RASAL2: variants seen among roughly 807,000 people sequenced by gnomAD.
RASAL2 encodes RAS protein activator like 2, also known as ras GTPase-activating protein nGAP.
Under a neutral mutation model 128.9 loss-of-function variants are expected in RASAL2, and 58 were observed. That is an observed-to-expected ratio of 0.45 (90% CI 0.36 to 0.56). The LOEUF (loss-of-function observed/expected upper bound fraction) is 0.56, where lower values mean the gene tolerates loss of function less well. Among genes scored for constraint, RASAL2 ranks in the 20% least tolerant of loss-of-function variants. The pLI is 0.00. For missense variants in RASAL2, 1,360 were observed against 1,601.6 expected (o/e 0.85, Z 2.57); for synonymous variants, 561 against 580.8 (o/e 0.97, Z 0.49).
chr1:178,334,787 T>A (rs908183726), intron 3 of RASAL2, among the ~76,000 whole-genome samples: 1 of 152,168 alleles, frequency 6.6e-6, no homozygotes, highest in South Asian at 2.1e-4. Context: ...GTGAAATCCC[T>A]TCTTTACTGA....
chr1:178,400,755 T>G (rs1163189910), intron 4 of RASAL2, among the ~76,000 whole-genome samples: 2 of 152,158 alleles, frequency 1.3e-5, no homozygotes, highest in Non-Finnish European at 2.9e-5. Flanking sequence ...CAAAATTAAT[T>G]AATTAATTAA....
chr1:178,418,169 T>A (rs1674894772), intron 4 of RASAL2, among the ~76,000 whole-genome samples: 1 of 152,186 alleles, frequency 6.6e-6, no homozygotes, highest in Non-Finnish European at 1.5e-5. Context: ...AAATTTCATA[T>A]AACTTTTGAC....
chr1:178,266,708 A>G (rs11804381), intron 1 of RASAL2, among the ~76,000 whole-genome samples: 3 of 152,228 alleles, frequency 2.0e-5, no homozygotes, highest in Non-Finnish European at 2.9e-5. Flanking sequence ...CCAGCCAGGT[A>G]TATGAAGAGG....
At chr1:178,250,279 T>C (rs1664981622) in intron 1 of RASAL2, among the ~76,000 whole-genome samples, 2 of 152,132 alleles carry the variant, frequency 1.3e-5, no homozygotes, top group South Asian at 4.1e-4. Context: ...ACCTGCCCAG[T>C]GAAGAGGAAT....
chr1:178,153,909 T>C (rs1322736892), intron 1 of RASAL2, among the ~76,000 whole-genome samples: 4 of 152,094 alleles, frequency 2.6e-5, no homozygotes, highest in African/African-American at 9.7e-5. Context: ...GATCTTGGCT[T>C]ACTGCAACCT....
intron 3 of RASAL2, among the ~76,000 whole-genome samples, chr1:178,339,385 AGACTGAAGT>A (rs1384600742): frequency 2.0e-5 from 3 of 152,210 alleles, no homozygotes; most frequent in Admixed American, 6.5e-5. Flanking sequence ...TTTGGGATAG[AGACTGAAGT>A]GACTGGTAAA....
Position 178,460,261 on chromosome 1 carries a change from G to A in RASAL2, c.3252+1717G>A, listed in dbSNP as rs1001882837. Among the ~76,000 whole-genome samples, 18 of 152,180 alleles carry A rather than the reference G, an allele frequency of 1.2e-4. 1 individual carries two copies. Among genetic ancestry groups the A allele is most frequent in the African/African-American group, 4.3e-4 (18 of 41,540 alleles). ...TGTCCTCCACCTGCTTTTCAAAAGT[G>A]TACTTAGGCCCAGCCCTGTACAGAA... On this transcript the variant is annotated intron_variant, in intron 14 of 17. Coordinates refer to ENST00000367649, the MANE Select transcript of RASAL2 (RefSeq NM_170692.4).
chr1:178,243,457 A>T (rs1664610267), intron 1 of RASAL2, among the ~76,000 whole-genome samples: 1 of 152,000 alleles, frequency 6.6e-6, no homozygotes, highest in African/African-American at 2.4e-5. Flanking sequence ...CCTTTCTGTT[A>T]TCCACCTGGC....
At chr1:178,381,871 G>A (rs541289662) in intron 3 of RASAL2, among the ~76,000 whole-genome samples, 21 of 152,140 alleles carry the variant, frequency 1.4e-4, no homozygotes, top group Admixed American at 3.3e-4. Context: ...AAAGGTGTTA[G>A]GCCCTATCTG....
rs145741385 is a variant in RASAL2 at position 178,308,795 on chromosome 1, T to C, written c.457+8677T>C. ...CCTTGGTTTAAACCCTGGCCCTTTCTGTTAGATTAAATTAGCCTCAGTTCT... is the reference window on the plus strand; with the variant it reads ...CCTTGGTTTAAACCCTGGCCCTTTCCGTTAGATTAAATTAGCCTCAGTTCT... On this transcript the variant is annotated intron_variant, in intron 3 of 17. Transcript: ENST00000367649. Among the ~76,000 whole-genome samples the C allele has an allele frequency of 4.6e-3, 694 of 152,190 alleles. 3 individuals carry two copies. Among genetic ancestry groups the C allele is most frequent in the Non-Finnish European group, 7.4e-3 (503 of 67,990 alleles).
At chr1:178,227,419 A>G (rs1046639631) in intron 1 of RASAL2, among the ~76,000 whole-genome samples, 2 of 152,158 alleles carry the variant, frequency 1.3e-5, no homozygotes, top group Non-Finnish European at 2.9e-5. Flanking sequence ...TTGACTGTAG[A>G]TCATAAGACT....
At chr1:178,217,754 T>C (rs560347280) in intron 1 of RASAL2, among the ~76,000 whole-genome samples, 1 of 152,242 alleles carries the variant, frequency 6.6e-6, no homozygotes, top group Non-Finnish European at 1.5e-5. Flanking sequence ...TACTGATGAC[T>C]GCTAGCTGCT....
At position 178,465,913 on chromosome 1, in the gene RASAL2, G is replaced by C. The variant is rs1029959476; in HGVS notation, c.3388-7G>C. ...TAGTTTTTGTCTCCTTGCCTCCTCT[G>C]CCCTAGTATGAACAAGAAATTACTA... On this transcript the variant is annotated splice_polypyrimidine_tract_variant and splice_region_variant and intron_variant, in intron 15 of 17. Transcript: ENST00000367649. 8.4e-6 allele frequency: 13 copies of C among 1,542,012 alleles called. No individual in the cohort carries two copies. Among genetic ancestry groups the C allele is most frequent in the Middle Eastern group, 1.7e-4 (1 of 5,960 alleles).
intron 4 of RASAL2, among the ~76,000 whole-genome samples, chr1:178,392,227 A>G (rs919436623): frequency 1.3e-5 from 2 of 152,250 alleles, no homozygotes; most frequent in Non-Finnish European, 2.9e-5. Flanking sequence ...AGTTATTAAC[A>G]ACACAATGTG....
At chr1:178,428,526 T>C (rs1675674425) in intron 5 of RASAL2, among the ~76,000 whole-genome samples, 1 of 147,726 alleles carries the variant, frequency 6.8e-6, no homozygotes, top group Non-Finnish European at 1.5e-5. Flanking sequence ...TAGCTTTAAA[T>C]AAAAGATCTT....
chr1:178,139,949 A>G (rs1660469057), intron 1 of RASAL2, among the ~76,000 whole-genome samples: 2 of 152,144 alleles, frequency 1.3e-5, no homozygotes, highest in African/African-American at 2.4e-5. Flanking sequence ...CTTTTTATAA[A>G]TACCCTTTTA....
At position 178,187,838 on chromosome 1, in the gene RASAL2, C is replaced by G. The variant is rs546495542; in HGVS notation, c.202+93144C>G. Among the ~76,000 whole-genome samples the G allele has an allele frequency of 7.9e-5, 12 of 152,270 alleles. No homozygotes were observed. In the East Asian group the frequency reaches 2.1e-3, roughly 27 times the overall value. On this transcript the variant is annotated intron_variant, in intron 1 of 17. Coordinates refer to ENST00000367649, the MANE Select transcript of RASAL2 (RefSeq NM_170692.4). ...GTCATAGCTTCACTGTAACCTTGAA[C>G]TCCTGTCCTCAAGGAGTTCTTCCAT...
intron 1 of RASAL2, among the ~76,000 whole-genome samples, chr1:178,217,454 G>A (rs531505299): frequency 6.6e-6 from 1 of 152,168 alleles, no homozygotes; most frequent in Admixed American, 6.5e-5. Flanking sequence ...ACCACCCAAA[G>A]TTCATAATTC....
At chr1:178,097,634 A>G (rs576348823) in intron 1 of RASAL2, among the ~76,000 whole-genome samples, 1 of 152,208 alleles carries the variant, frequency 6.6e-6, no homozygotes, top group Admixed American at 6.5e-5. Flanking sequence ...GTAGGATAAT[A>G]ATAAGGAACT....
Sources: allele counts gnomAD v4.1 joint callset (sites outside exome capture counted in the v4.1 genomes callset), GRCh38; gene constraint gnomAD v4.1.1; transcripts MANE v1.5; gene names NCBI Gene and HGNC (gene_info 2026-07-23, HGNC 2026-07-21).